Variants in RP2 observed in about 807,000 individuals in gnomAD.
RP2 encodes the protein protein XRP2.
A neutral mutation model predicts 20.3 loss-of-function variants in RP2; 3 were observed. That is an observed-to-expected ratio of 0.15 (90% CI 0.07 to 0.38). The LOEUF (loss-of-function observed/expected upper bound fraction) is 0.38. Among genes scored for constraint, RP2 ranks in the 10% least tolerant of loss-of-function variants. RP2 has a pLI of 1.00. For missense variants in RP2, 233 were observed against 268.5 expected (o/e 0.87, Z 0.92); for synonymous variants, 75 against 94.8 (o/e 0.79, Z 1.22).
intron 1 of RP2, among the ~76,000 whole-genome samples, chrX:46,839,411 G>C (rs1425722153): frequency 2.7e-5 from 3 of 110,368 alleles, no homozygotes; most frequent in Non-Finnish European, 5.7e-5. Context: ...AATTAGTGGG[G>C]CATGGTGGTG....
At position 46,850,885 on chromosome X, in the gene RP2, ACTG is replaced by A. The variant is rs76023656; in HGVS notation, c.103-2590_103-2588del. ...GTGCCTAAAACAATGTCTGGCTCAT[ACTG>A]GGTATTCAAATATTGGTAGAGTGAC... is the stretch of plus-strand genomic sequence containing the variant. On this transcript the variant is annotated intron_variant, in intron 1 of 4. Coordinates refer to ENST00000218340, the MANE Select transcript of RP2 (RefSeq NM_006915.3). Among the ~76,000 whole-genome samples the A allele has an allele frequency of 4.5e-4, 50 of 111,905 alleles. No individual in the cohort carries two copies. In the East Asian group the frequency reaches 0.013, roughly 30 times the overall value.
In RP2 at chrX:46,881,678, T is replaced by C. The variant is rs1556328772; in HGVS notation, c.*1909T>C. ...TTAGTTGAGATGGGGTTTTTCCACG[T>C]TGGTCAGGCTGGTCTCGAACTCCTG... On this transcript the variant is annotated 3_prime_UTR_variant, in exon 5 of 5. Transcript: ENST00000218340. 1 of 110,447 alleles carries C rather than the reference T, an allele frequency of 9.1e-6. No homozygotes were observed. The highest frequency in any genetic ancestry group is 3.3e-5 in the African/African-American group (1 of 30,310). 9.1% of individuals were successfully genotyped at this position (110,447 alleles called of 1,213,427 possible).
chrX:46,863,083 T>C lies in RP2; in HGVS notation c.883+2981T>C, dbSNP rs145792209. On this transcript the variant is annotated intron_variant, in intron 3 of 4. Coordinates refer to ENST00000218340, the MANE Select transcript of RP2 (RefSeq NM_006915.3). ...TAAGAGACTAAAGAGATATAACAAC[T>C]AAATGCAATGAGTGAACCTTGATTG... Among the ~76,000 whole-genome samples the C allele has an allele frequency of 9.6e-3, 1,075 of 112,239 alleles. 16 individuals are homozygous for C. Among genetic ancestry groups the C allele is most frequent in the African/African-American group, 0.033 (1,017 of 30,914 alleles).
intron 1 of RP2, among the ~76,000 whole-genome samples, chrX:46,838,597 TCTAAA>T (rs1409489763): frequency 8.9e-6 from 1 of 112,871 alleles, no homozygotes; most frequent in African/African-American, 3.2e-5. Context: ...TCAGGCTAAA[TCTAAA>T]CTAAATAAAA....
chrX:46,841,255 A>G (rs1924617364), intron 1 of RP2, among the ~76,000 whole-genome samples: 1 of 112,082 alleles, frequency 8.9e-6, no homozygotes, highest in African/African-American at 3.2e-5. Context: ...TCTGCTAGAA[A>G]GAAGTGTCTG....
intron 1 of RP2, among the ~76,000 whole-genome samples, chrX:46,838,537 C>T (rs1556314131): frequency 8.9e-6 from 1 of 112,759 alleles, no homozygotes; most frequent in East Asian, 2.7e-4. Context: ...AATTGTCTGC[C>T]TTAGAGAAAG....
At chrX:46,844,615 T>C (rs1423499806) in intron 1 of RP2, among the ~76,000 whole-genome samples, 1 of 111,208 alleles carries the variant, frequency 9.0e-6, no homozygotes, top group Non-Finnish European at 1.9e-5. Flanking sequence ...TCTTTCCTAT[T>C]GTGAATAGTG....
At chrX:46,850,544 A>G (rs1390623719) in intron 1 of RP2, among the ~76,000 whole-genome samples, 1 of 112,046 alleles carries the variant, frequency 8.9e-6, no homozygotes, top group African/African-American at 3.2e-5. Flanking sequence ...ATCTACTAGC[A>G]TTCTGATAGC....
At chrX:46,849,634 G>A (rs781943799) in intron 1 of RP2, among the ~76,000 whole-genome samples, 38 of 112,032 alleles carry the variant, frequency 3.4e-4, no homozygotes, top group Admixed American at 3.3e-3. Context: ...GGAAGGCCGT[G>A]CTGACAATCC....
At chrX:46,879,355 AAG>A (rs1254099426) in intron 4 of RP2, among the ~76,000 whole-genome samples, 76 of 111,385 alleles carry the variant, frequency 6.8e-4, no homozygotes, top group African/African-American at 2.4e-3. Flanking sequence ...AGAAGAAACA[AAG>A]AGTTTTTTAA....
intron 2 of RP2, among the ~76,000 whole-genome samples, chrX:46,859,390 G>A (rs1219808595): frequency 6.4e-5 from 7 of 108,571 alleles, no homozygotes; most frequent in African/African-American, 2.4e-4. Flanking sequence ...CTGGGAGGCT[G>A]AGGTGGGAGA....
chrX:46,840,360 T>C (rs1289162384), intron 1 of RP2, among the ~76,000 whole-genome samples: 1 of 111,987 alleles, frequency 8.9e-6, no homozygotes, highest in Non-Finnish European at 1.9e-5. Flanking sequence ...GGACTGAAGC[T>C]GGGAGAAATT....
intron 1 of RP2, among the ~76,000 whole-genome samples, chrX:46,849,837 T>C (rs982360262): frequency 9.0e-6 from 1 of 111,628 alleles, no homozygotes; most frequent in Non-Finnish European, 1.9e-5. Context: ...CCTACCCCCC[T>C]ACACATGGCT....
At chrX:46,854,246 C>T (rs1924917177) in intron 2 of RP2, 105 bp downstream of exon 2, 7 of 805,382 alleles carry the variant, frequency 8.7e-6, no homozygotes, top group Non-Finnish European at 1.1e-5. Context: ...TACAGGCAAC[C>T]CTCAAGTTAT....
At chrX:46,858,611 C>T (rs1425658514) in intron 2 of RP2, among the ~76,000 whole-genome samples, 1 of 109,742 alleles carries the variant, frequency 9.1e-6, no homozygotes, top group Admixed American at 9.8e-5. Context: ...GCTAGGACTA[C>T]AGGCACACAC....
At position 46,853,165 on chromosome X, in the gene RP2, A is replaced by C. The variant is rs887094863; in HGVS notation, c.103-311A>C. ...GATGATGTAGGTGTCACTTGGGTTAAGTCATGGGAAAACTCAAACCATAGT... is the reference window on the plus strand; with the variant it reads ...GATGATGTAGGTGTCACTTGGGTTACGTCATGGGAAAACTCAAACCATAGT... On this transcript the variant is annotated intron_variant, in intron 1 of 4. Coordinates refer to ENST00000218340, the MANE Select transcript of RP2 (RefSeq NM_006915.3). 5.4e-5 allele frequency among the ~76,000 whole-genome samples: 6 copies of C among 111,754 alleles called. No homozygotes were observed. In the South Asian group the frequency reaches 2.2e-3, roughly 42 times the overall value.
At chrX:46,837,353 G>A in intron 1 of RP2, 151 bp downstream of exon 1, 1 of 607,758 alleles carries the variant, frequency 1.6e-6, no homozygotes, top group East Asian at 3.6e-5. Flanking sequence ...CTTTTTTGGG[G>A]AGCGGGGACG....
At chrX:46,869,789 A>G (rs998711470) in intron 3 of RP2, among the ~76,000 whole-genome samples, 2 of 105,041 alleles carry the variant, frequency 1.9e-5, no homozygotes, top group Non-Finnish European at 3.9e-5. Context: ...TTGTATTTTT[A>G]GTAGAGATGG....
chrX:46,838,800 A>G (rs782577530), intron 1 of RP2, among the ~76,000 whole-genome samples: 1 of 111,970 alleles, frequency 8.9e-6, no homozygotes, highest in South Asian at 3.6e-4. Flanking sequence ...AAGTAAATGC[A>G]TTGAGAAATA....
Sources: allele counts gnomAD v4.1 joint callset (sites outside exome capture counted in the v4.1 genomes callset), GRCh38; gene constraint gnomAD v4.1.1; transcripts MANE v1.5; gene names NCBI Gene and HGNC (gene_info 2026-07-23, HGNC 2026-07-21).